The following GALNT17 variants were observed in gnomAD, a reference collection of about 807,000 sequenced individuals.
GALNT17 encodes the protein polypeptide N-acetylgalactosaminyltransferase 17, also known as UDP-GalNAc:polypeptide N-acetylgalactosaminyltransferase-like 3.
Under a neutral mutation model 63.7 loss-of-function variants are expected in GALNT17, and 29 were observed. The observed-to-expected ratio is 0.46, with a 90% confidence interval of 0.34 to 0.62. The LOEUF is 0.62. Ranked by LOEUF, GALNT17 falls within the 20% of genes least tolerant of loss-of-function variation. The pLI, the probability that GALNT17 is intolerant of heterozygous loss-of-function variation, is 0.01. For synonymous variants in GALNT17, 305 were observed against 318.3 expected, an observed-to-expected ratio of 0.96 and a Z score of 0.45; for missense variants, 603 against 799.6, an observed-to-expected ratio of 0.75 and a Z score of 2.97.
At chr7:71,314,448 A>T (rs1791465667) in intron 1 of GALNT17, among the ~76,000 whole-genome samples, 1 of 152,206 alleles carries the variant, frequency 6.6e-6, no homozygotes, top group East Asian at 1.9e-4. Context: ...ACAGAGCAAG[A>T]GGTCAAGGCC....
At position 71,470,861 on chromosome 7, in the gene GALNT17, A is replaced by G. The variant is rs149425445; in HGVS notation, c.962+49756A>G. On this transcript the variant is annotated intron_variant, in intron 5 of 10. Transcript: ENST00000333538. ...TTTTTTAAAAACTCTTTTTCATGCA[A>G]ATTCATTAAATTTGAGATGCAGTAA... 2.5e-4 allele frequency among the ~76,000 whole-genome samples: 38 copies of G among 152,142 alleles called. 1 individual carries two copies. The East Asian group carries it at 7.2e-3, about 29-fold the overall frequency.
chr7:71,306,404 G>C (rs988586057), intron 1 of GALNT17, among the ~76,000 whole-genome samples: 1 of 151,578 alleles, frequency 6.6e-6, no homozygotes, highest in Non-Finnish European at 1.5e-5. Flanking sequence ...CCTACCTGCT[G>C]TCAACGCCCC....
At chr7:71,481,579 A>G (rs796360115) in intron 5 of GALNT17, among the ~76,000 whole-genome samples, 8 of 152,212 alleles carry the variant, frequency 5.3e-5, no homozygotes, top group African/African-American at 1.7e-4. Flanking sequence ...AGGGATACCT[A>G]TGGGAGATGT....
chr7:71,409,979 T>G (rs1035777565), intron 3 of GALNT17, among the ~76,000 whole-genome samples: 1 of 152,064 alleles, frequency 6.6e-6, no homozygotes, highest in Non-Finnish European at 1.5e-5. Flanking sequence ...TCTTGTGGGG[T>G]CCTTCAGACC....
intron 5 of GALNT17, among the ~76,000 whole-genome samples, chr7:71,530,410 TCA>T (rs979410221): frequency 5.9e-5 from 9 of 152,294 alleles, no homozygotes; most frequent in Admixed American, 5.2e-4. Context: ...AGATAAGTAC[TCA>T]TTTTCTATCT....
chr7:71,672,651 T>C (rs929555288), intron 8 of GALNT17, among the ~76,000 whole-genome samples: 2 of 152,156 alleles, frequency 1.3e-5, no homozygotes, highest in African/African-American at 2.4e-5. Context: ...TCCTGGGTTT[T>C]AGCAATTCTC....
At chr7:71,391,857 C>T (rs762544721) in intron 3 of GALNT17, among the ~76,000 whole-genome samples, 158 of 152,192 alleles carry the variant, frequency 1.0e-3, no homozygotes, top group Admixed American at 1.7e-3. Flanking sequence ...AACCATGGCA[C>T]CAGCATCTGC....
At chr7:71,691,223 C>T (rs912522181) in intron 9 of GALNT17, among the ~76,000 whole-genome samples, 1 of 152,180 alleles carries the variant, frequency 6.6e-6, no homozygotes, top group African/African-American at 2.4e-5. Context: ...GCCATAACAT[C>T]AAGCCGTGAC....
intron 6 of GALNT17, among the ~76,000 whole-genome samples, chr7:71,637,807 G>A (rs756376613): frequency 1.1e-4 from 16 of 152,174 alleles, no homozygotes; most frequent in Non-Finnish European, 2.1e-4. Context: ...TGCTAATATT[G>A]CTGGAAAGGG....
At chr7:71,600,771 T>TA (rs398005154) in intron 6 of GALNT17, among the ~76,000 whole-genome samples, 16 of 151,600 alleles carry the variant, frequency 1.1e-4, no homozygotes, top group Middle Eastern at 6.8e-3. Context: ...CTCTTTTTTT[T>TA]ATTTTTCCAT....
At chr7:71,476,598 G>A (rs935813706) in intron 5 of GALNT17, among the ~76,000 whole-genome samples, 3 of 152,080 alleles carry the variant, frequency 2.0e-5, no homozygotes, top group Non-Finnish European at 2.9e-5. Flanking sequence ...GTTAATCTAG[G>A]CCAGTGGTTT....
At chr7:71,385,180 C>T (rs1466617415) in intron 2 of GALNT17, among the ~76,000 whole-genome samples, 5 of 152,034 alleles carry the variant, frequency 3.3e-5, no homozygotes, top group African/African-American at 1.2e-4. Context: ...ACAGTTTCGC[C>T]CATGTGAGCC....
At chr7:71,698,285 G>A (rs982296962) in intron 9 of GALNT17, among the ~76,000 whole-genome samples, 1 of 152,112 alleles carries the variant, frequency 6.6e-6, no homozygotes, top group Non-Finnish European at 1.5e-5. Flanking sequence ...AGAATGTACT[G>A]TAGGAAAAAG....
chr7:71,374,678 T>C (rs1381192237), intron 2 of GALNT17, among the ~76,000 whole-genome samples: 1 of 151,388 alleles, frequency 6.6e-6, no homozygotes, highest in Non-Finnish European at 1.5e-5. Flanking sequence ...TTTTCCCACA[T>C]AGTAGAAACA....
intron 2 of GALNT17, among the ~76,000 whole-genome samples, chr7:71,377,114 A>AAAAAAAAAAAAAATATATATAT: frequency 1.7e-5 from 1 of 57,486 alleles, no homozygotes; most frequent in Non-Finnish European, 3.0e-5. Flanking sequence ...AAATAAAAAA[A>AAAAAAAAAAAAAATATATATAT]ATATATATAT....
chr7:71,271,574 A>G (rs781346823), intron 1 of GALNT17, among the ~76,000 whole-genome samples: 6 of 152,232 alleles, frequency 3.9e-5, no homozygotes, highest in Non-Finnish European at 7.3e-5. Flanking sequence ...TTTATTTAAG[A>G]TTTATTAAAG....
intron 6 of GALNT17, among the ~76,000 whole-genome samples, chr7:71,590,237 G>A (rs760632714): frequency 6.6e-6 from 1 of 152,106 alleles, no homozygotes; most frequent in Non-Finnish European, 1.5e-5. Flanking sequence ...CTATTAAGGG[G>A]AGATAGATTT....
intron 1 of GALNT17, among the ~76,000 whole-genome samples, chr7:71,205,663 T>C (rs542563863): frequency 1.8e-4 from 27 of 152,274 alleles, no homozygotes; most frequent in African/African-American, 6.5e-4. Flanking sequence ...TTGATGCTAC[T>C]GTAAATGAGA....
chr7:71,359,391 T>C (rs923090665), intron 2 of GALNT17, among the ~76,000 whole-genome samples: 2 of 151,942 alleles, frequency 1.3e-5, no homozygotes, highest in African/African-American at 4.8e-5. Flanking sequence ...TTTTCAACAA[T>C]TAGCTCCCAG....
Sources: allele counts gnomAD v4.1 joint callset (sites outside exome capture counted in the v4.1 genomes callset), GRCh38; gene constraint gnomAD v4.1.1; transcripts MANE v1.5; gene names NCBI Gene and HGNC (gene_info 2026-07-23, HGNC 2026-07-21).